The following NEDD4 variants were observed in gnomAD, a reference collection of about 807,000 sequenced individuals.
NEDD4 encodes the protein E3 ubiquitin-protein ligase NEDD4.
A neutral mutation model predicts 144.9 loss-of-function variants in NEDD4; 99 were observed. The ratio of observed to expected loss-of-function variants is 0.68; its 90% CI spans 0.58 to 0.81. The LOEUF is 0.81. Among genes scored for constraint, NEDD4 ranks in the 30% least tolerant of loss-of-function variants. NEDD4 has a pLI of 0.00. For missense variants in NEDD4, 985 were observed against 1,065.9 expected (o/e 0.92, Z 1.06); for synonymous variants, 318 against 350.6 (o/e 0.91, Z 1.04).
intron 1 of NEDD4, among the ~76,000 whole-genome samples, chr15:55,969,604 C>T (rs529747022): frequency 6.6e-6 from 1 of 152,208 alleles, no homozygotes; most frequent in Admixed American, 6.5e-5. Flanking sequence ...CAACCAGAGT[C>T]CTGAAGCCCC....
intron 5 of NEDD4, among the ~76,000 whole-genome samples, chr15:55,889,634 T>C (rs1188613395): frequency 6.6e-6 from 1 of 152,024 alleles, no homozygotes; most frequent in Non-Finnish European, 1.5e-5. Flanking sequence ...ATAAATAAGA[T>C]CTAGTATTTG....
At chr15:55,928,029 T>G (rs987541571) in intron 4 of NEDD4, among the ~76,000 whole-genome samples, 2 of 152,068 alleles carry the variant, frequency 1.3e-5, no homozygotes, top group Non-Finnish European at 2.9e-5. Flanking sequence ...CTATCTTTTT[T>G]TTTCCCTTCT....
intron 27 of NEDD4, among the ~76,000 whole-genome samples, chr15:55,832,737 G>A (rs1259224051): frequency 2.6e-5 from 4 of 152,042 alleles, no homozygotes; most frequent in African/African-American, 7.2e-5. Flanking sequence ...TTTCTGTAAC[G>A]GATGCATACT....
intron 1 of NEDD4, among the ~76,000 whole-genome samples, chr15:55,969,677 C>T (rs72734368): frequency 0.11 from 17,382 of 152,116 alleles, 1,176 homozygotes; most frequent in East Asian, 0.32. Context: ...GAACCTGCCA[C>T]CCTGAAGGAA....
chr15:55,972,354 A>G (rs1566973931), intron 1 of NEDD4, among the ~76,000 whole-genome samples: 1 of 152,232 alleles, frequency 6.6e-6, no homozygotes, highest in Non-Finnish European at 1.5e-5. Flanking sequence ...AGACAAAAAT[A>G]GAAACAATAA....
chr15:55,933,105 T>G (rs1365229729), intron 4 of NEDD4, among the ~76,000 whole-genome samples: 1 of 152,166 alleles, frequency 6.6e-6, no homozygotes, highest in East Asian at 1.9e-4. Context: ...GTTCAACCAT[T>G]GTGGAAGACA....
At chr15:55,864,439 T>C (rs1311060204) in intron 8 of NEDD4, among the ~76,000 whole-genome samples, 1 of 151,886 alleles carries the variant, frequency 6.6e-6, no homozygotes, top group African/African-American at 2.4e-5. Flanking sequence ...TCCAGCACTT[T>C]GGGAGGCCGA....
chr15:55,918,262 T>TAA (rs2036501738), intron 5 of NEDD4, among the ~76,000 whole-genome samples: 1 of 152,176 alleles, frequency 6.6e-6, no homozygotes, highest in Admixed American at 6.6e-5. Flanking sequence ...TTGTATTTAT[T>TAA]TAACCTTTAT....
chr15:55,968,195 G>A (rs1275201881), intron 1 of NEDD4, among the ~76,000 whole-genome samples: 3 of 151,838 alleles, frequency 2.0e-5, no homozygotes, highest in Non-Finnish European at 4.4e-5. Context: ...TCATAGAGAG[G>A]AGTAAAAATG....
chr15:55,888,798 C>T (rs1199763127), intron 5 of NEDD4, among the ~76,000 whole-genome samples: 3 of 152,114 alleles, frequency 2.0e-5, no homozygotes, highest in African/African-American at 7.2e-5. Context: ...CAAATCCATA[C>T]ATCTACAGTG....
intron 4 of NEDD4, among the ~76,000 whole-genome samples, chr15:55,934,538 C>A (rs1254892629): frequency 6.6e-6 from 1 of 152,012 alleles, no homozygotes; most frequent in East Asian, 1.9e-4. Context: ...AGTATTCCGG[C>A]ATTTTAATTT....
At chr15:55,922,453 C>T (rs1204184992) in intron 5 of NEDD4, among the ~76,000 whole-genome samples, 3 of 152,180 alleles carry the variant, frequency 2.0e-5, no homozygotes, top group African/African-American at 7.2e-5. Context: ...ACCTCCACCT[C>T]CTGGGTTCGG....
rs572996248 is a variant in NEDD4 at position 55,851,235 on chromosome 15, T to C, written c.1147-493A>G. On this transcript the variant is annotated intron_variant, in intron 13 of 28. Transcript: ENST00000435532. ...AAATATCTACCACAGAAATGGATAA[T>C]TGAAATGCAATATATTCATGATGGA... Among the ~76,000 whole-genome samples, 407 of 152,218 alleles carry C rather than the reference T, an allele frequency of 2.7e-3. 2 individuals are homozygous for C. Among genetic ancestry groups the C allele is most frequent in the African/African-American group, 9.4e-3 (389 of 41,518 alleles).
chr15:55,924,760 A>G, intron 4 of NEDD4, 61 bp from the exon 5 acceptor site: 1 of 1,501,052 alleles, frequency 6.7e-7, no homozygotes, highest in Non-Finnish European at 9.1e-7. Context: ...ATACTCAGAA[A>G]TAAATGCTTA....
rs1240182526 is a variant in NEDD4 at position 55,913,603 on chromosome 15, A to G, written c.291+11043T>C. On this transcript the variant is annotated intron_variant, in intron 5 of 28. Coordinates refer to ENST00000435532, the MANE Select transcript of NEDD4 (RefSeq NM_006154.4). ...TATTTTATAATCCAATAATCTACCAAAAGATAGAATCTGCACAAAGTTATA... is the reference window on the plus strand; with the variant it reads ...TATTTTATAATCCAATAATCTACCAGAAGATAGAATCTGCACAAAGTTATA... Among the ~76,000 whole-genome samples the G allele has an allele frequency of 5.9e-5, 9 of 152,158 alleles. No individual in the cohort carries two copies. The East Asian group carries it at 1.2e-3, about 20-fold the overall frequency.
At chr15:55,848,318 G>T in intron 17 of NEDD4, 54 bp downstream of exon 17, 1 of 1,552,078 alleles carries the variant, frequency 6.4e-7, no homozygotes. Flanking sequence ...ATCTGCTCTT[G>T]AAGAGACAGG....
rs111345705 is a variant in NEDD4, at chr15:55,975,161, G to A, written c.46-8615C>T. Among the ~76,000 whole-genome samples the A allele has an allele frequency of 4.6e-5, 7 of 152,020 alleles. 1 individual carries two copies. Among genetic ancestry groups the A allele is most frequent in the African/African-American group, 1.7e-4 (7 of 41,480 alleles). On this transcript the variant is annotated intron_variant, in intron 1 of 28. Coordinates refer to ENST00000435532, the MANE Select transcript of NEDD4 (RefSeq NM_006154.4). ...ACCCACCTCGGCCTCTCAAAGTGCT[G>A]GGATTACAGGCGTGTGCCACTGTGC...
chr15:55,851,898 C>G (rs2033997171), intron 13 of NEDD4, among the ~76,000 whole-genome samples: 1 of 152,128 alleles, frequency 6.6e-6, no homozygotes, highest in Admixed American at 6.6e-5. Context: ...TCCTCTTATT[C>G]TCATTTGTAC....
chr15:55,880,274 GGAGT>G (rs1463616131), intron 5 of NEDD4, among the ~76,000 whole-genome samples: 1 of 151,634 alleles, frequency 6.6e-6, no homozygotes, highest in Non-Finnish European at 1.5e-5. Flanking sequence ...TCTGGGTGAC[GGAGT>G]GAGACCCCGT....
Sources: gnomAD v4.1 joint callset for allele counts (sites outside exome capture counted in the v4.1 genomes callset) on GRCh38, gnomAD v4.1.1 for gene constraint, MANE v1.5 for transcripts, NCBI Gene and HGNC (gene_info 2026-07-23, HGNC 2026-07-21) for gene names.